Variants in ANKRD26 observed in about 807,000 individuals in gnomAD.
The protein encoded by ANKRD26 is ankyrin repeat domain 26.
In ANKRD26, 141 loss-of-function variants were observed where a neutral mutation model predicts 208.7. That is an observed-to-expected ratio of 0.68 (90% CI 0.59 to 0.78). The LOEUF (loss-of-function observed/expected upper bound fraction) is 0.78. Ranked by LOEUF, ANKRD26 falls within the 30% of genes least tolerant of loss-of-function variation. ANKRD26 has a pLI of 0.00. For missense variants in ANKRD26, 1,889 were observed against 1,938.7 expected (o/e 0.97, Z 0.48); for synonymous variants, 636 against 660.4 (o/e 0.96, Z 0.57).
intron 15 of ANKRD26, among the ~76,000 whole-genome samples, chr10:27,059,811 C>T (rs1166560045): frequency 6.6e-6 from 1 of 151,690 alleles, no homozygotes; most frequent in Non-Finnish European, 1.5e-5. Context: ...AGGAGAATTG[C>T]TGGAACCCAG....
chr10:27,043,598 T>C (rs779535369), intron 19 of ANKRD26, 31 bp from the exon 20 acceptor site: 1 of 1,596,580 alleles, frequency 6.3e-7, no homozygotes, highest in East Asian at 2.2e-5. Flanking sequence ...TTTCAAAATG[T>C]CCCCAGAATA....
Position 27,100,115 on chromosome 10 carries a change from T to C in ANKRD26, c.212A>G (p.Asn71Ser), listed in dbSNP as rs2056599116. ...KVQQILLLRKNGLNDRDKMNR... is the reference protein window; with the variant it reads ...KVQQILLLRKSGLNDRDKMNR... ...CATCTTGTCTCTATCGTTCAAGCCA[T>C]TCTTCCTGAGCAAAAGGATCTGCTG... is the stretch of plus-strand genomic sequence containing the variant. The change falls in exon 1 of 34, where the codon AAT becomes AGT. Residue 71 changes from asparagine (N) to serine (S), a missense_variant. Asn to Ser is a conservative substitution (Grantham distance 46). Coordinates refer to ENST00000376087, the MANE Select transcript of ANKRD26 (RefSeq NM_014915.3). The C allele has an allele frequency of 6.2e-7, 1 of 1,614,132 alleles. No individual in the cohort carries two copies. The highest frequency in any genetic ancestry group is 8.5e-7 in the Non-Finnish European group (1 of 1,179,962).
intron 22 of ANKRD26, 77 bp from the exon 23 acceptor site, chr10:27,037,400 C>T (rs1183510389): frequency 6.7e-7 from 1 of 1,486,510 alleles, no homozygotes; most frequent in East Asian, 2.3e-5. Context: ...AATTTTAAAA[C>T]AAAAAACTTA....
In ANKRD26 at chr10:27,029,271, T is replaced by C. The variant is rs959708091; in HGVS notation, c.3878+15A>G. On this transcript the variant is annotated intron_variant, in intron 26 of 33. Transcript: ENST00000376087. ...TAAATAATCATGTTTTTCTGTGTGC[T>C]GCTTTAAATTTTACTTTTGCTTGTG... 1 of 1,604,434 alleles carries C rather than the reference T, an allele frequency of 6.2e-7. No individual in the cohort carries two copies. Among genetic ancestry groups the C allele is most frequent in the Admixed American group, 1.7e-5 (1 of 59,310 alleles).
chr10:26,991,022 G>A, downstream of ANKRD26, among the ~76,000 whole-genome samples: 1 of 152,186 alleles, frequency 6.6e-6, no homozygotes, highest in East Asian at 1.9e-4. Flanking sequence ...CGACTTCCTT[G>A]ATGGAAGCCA....
chr10:27,067,152 C>G lies in ANKRD26; in HGVS notation c.1207+5G>C. 6.2e-7 allele frequency: 1 copy of G among 1,612,904 alleles called. No individual in the cohort carries two copies. Among genetic ancestry groups the G allele is most frequent in the South Asian group, 1.1e-5 (1 of 91,048 alleles). ...AAAAATATTCAGAGATATCCACTAA[C>G]TTACCACTTCTATTATTTTTGTGCA... On this transcript the variant is annotated splice_donor_5th_base_variant and intron_variant, in intron 10 of 33. Coordinates refer to ENST00000376087, the MANE Select transcript of ANKRD26 (RefSeq NM_014915.3).
At chr10:27,074,996 T>C (rs1187587261) in intron 9 of ANKRD26, among the ~76,000 whole-genome samples, 2 of 152,018 alleles carry the variant, frequency 1.3e-5, no homozygotes, top group Non-Finnish European at 2.9e-5. Context: ...CTAAGTTTCA[T>C]AAATGAAGGA....
intron 9 of ANKRD26, among the ~76,000 whole-genome samples, chr10:27,075,151 T>C (rs2055651742): frequency 6.6e-6 from 1 of 152,150 alleles, no homozygotes; most frequent in Non-Finnish European, 1.5e-5. Flanking sequence ...AGCATACAAT[T>C]CACAAAGTTT....
At chr10:26,973,638 T>C (rs2052180753), downstream of ANKRD26, among the ~76,000 whole-genome samples, 1 of 144,784 alleles carries the variant, frequency 6.9e-6, no homozygotes, top group Non-Finnish European at 1.5e-5. Flanking sequence ...TACTTTTGTT[T>C]TTTATTTGTC....
rs749444674 is a variant in ANKRD26 at position 27,035,055 on chromosome 10, A to G, written c.3395T>C (p.Val1132Ala). Reference protein sequence around the residue: ...VNKYIGKQESVEERLSQLQSE... With the variant: ...VNKYIGKQESAEERLSQLQSE... ...TTGTAGTTGAGACAATCTCTCCTCT[A>G]CAGACTCCTGCTTTCCAATGTATTT... The change falls in exon 24 of 34, where the codon GTA (valine) becomes GCA (alanine). Residue 1132 changes from valine (V) to alanine (A), a missense_variant. Transcript: ENST00000376087. 38 of 1,613,552 alleles carry G rather than the reference A, an allele frequency of 2.4e-5. No homozygotes were observed. Among genetic ancestry groups the G allele is most frequent in the Non-Finnish European group, 3.1e-5 (36 of 1,179,862 alleles).
chr10:26,966,489 G>T, the ANKRD26 span, among the ~76,000 whole-genome samples: 11,950 of 152,152 alleles, frequency 0.079, 1,537 homozygotes, highest in African/African-American at 0.27. Flanking sequence ...TGACAGGTAG[G>T]GGGTGAGGGG....
intron 4 of ANKRD26, among the ~76,000 whole-genome samples, 156 bp from the exon 5 acceptor site, chr10:27,086,765 T>TCTG (rs1564429043): frequency 8.0e-6 from 1 of 124,780 alleles, no homozygotes; most frequent in Non-Finnish European, 1.6e-5. Flanking sequence ...TACAAACTTT[T>TCTG]TTGTTTTTTT....
intron 7 of ANKRD26, among the ~76,000 whole-genome samples, chr10:27,077,997 T>C (rs1049276924): frequency 6.6e-6 from 1 of 152,144 alleles, no homozygotes; most frequent in African/African-American, 2.4e-5. Context: ...AAAATGAAAA[T>C]TTTTTCCTAG....
downstream of ANKRD26, among the ~76,000 whole-genome samples, chr10:26,969,119 C>T (rs2052108429): frequency 6.6e-6 from 1 of 152,076 alleles, no homozygotes; most frequent in Admixed American, 6.6e-5. Context: ...CTAATATATA[C>T]TCCTTGAGTC....
chr10:26,973,264 A>G (rs1256409539), downstream of ANKRD26, among the ~76,000 whole-genome samples: 1 of 152,148 alleles, frequency 6.6e-6, no homozygotes, highest in Non-Finnish European at 1.5e-5. Context: ...TGCTTGCTTT[A>G]TCCATTTTGA....
At chr10:27,044,071 G>T in intron 19 of ANKRD26, 86 bp downstream of exon 19, 1 of 1,020,370 alleles carries the variant, frequency 9.8e-7, no homozygotes. Flanking sequence ...TGAGATTACA[G>T]GTGTGAGCCA....
At chr10:27,042,902 G>A (rs1006221016) in intron 20 of ANKRD26, among the ~76,000 whole-genome samples, 1 of 147,062 alleles carries the variant, frequency 6.8e-6, no homozygotes, top group African/African-American at 2.5e-5. Context: ...GGAGGTGGAG[G>A]TTGCAGTGAC....
Position 27,067,272 on chromosome 10 carries a change from C to G in ANKRD26, c.1092G>C (p.Lys364Asn). 1.2e-6 allele frequency: 2 copies of G among 1,613,268 alleles called. No homozygotes were observed. The highest frequency in any genetic ancestry group is 1.7e-6 in the Non-Finnish European group (2 of 1,179,874). The change falls in exon 10 of 34, where the codon AAG becomes AAC. Residue 364 changes from lysine to asparagine, a missense_variant. By Grantham distance (94) the Lys-to-Asn change is moderately conservative. Around this residue, in one of 3 missense-constraint regions of ANKRD26, gnomAD observed 1,272 missense variants for 1,273.8 expected, o/e 1.00. Transcript: ENST00000376087. The part of the protein sequence containing the change: ...NPGLMKEEPT[K>N]PGIAKKENGI... ...CATTTTCTTTTTTTGCAATGCCTGG[C>G]TTTGTTGGTTCTTCCTATTAAAAAC...
At chr10:26,967,718 T>G in the ANKRD26 span, among the ~76,000 whole-genome samples, 1 of 152,156 alleles carries the variant, frequency 6.6e-6, no homozygotes, top group African/African-American at 2.4e-5. Flanking sequence ...AAACCCAAAC[T>G]TGTACATCCT....
Sources: allele counts gnomAD v4.1 joint callset (sites outside exome capture counted in the v4.1 genomes callset), GRCh38; gene constraint gnomAD v4.1.1; regional missense constraint gnomAD v4.1.1; transcripts MANE v1.5; gene names NCBI Gene and HGNC (gene_info 2026-07-23, HGNC 2026-07-21).